Variants in COPG2 observed in about 807,000 individuals in gnomAD.
COPG2 encodes the protein coatomer subunit gamma-2.
Under a neutral mutation model 46.3 loss-of-function variants are expected in COPG2, and 37 were observed. The ratio of observed to expected loss-of-function variants is 0.80; its 90% CI spans 0.61 to 1.05. COPG2 has a LOEUF of 1.05. Ranked by LOEUF, COPG2 falls within the 50% of genes least tolerant of loss-of-function variation. The probability of loss-of-function intolerance (pLI) is 0.00; values close to 1 mark genes in which losing one functional copy is unlikely to be tolerated. For missense variants in COPG2, 427 were observed against 387.8 expected, an observed-to-expected ratio of 1.10 and a Z score of -0.85; for synonymous variants, 159 against 129.7, an observed-to-expected ratio of 1.23 and a Z score of -1.53.
At chr7:130,644,067 G>A (rs531690093) in intron 5 of COPG2, among the ~76,000 whole-genome samples, 4 of 152,244 alleles carry the variant, frequency 2.6e-5, no homozygotes, top group Admixed American at 6.5e-5. Flanking sequence ...GTCTCTCTCC[G>A]ATTCTATTAC....
intron 9 of COPG2, among the ~76,000 whole-genome samples, chr7:130,584,778 A>G (rs886773502): frequency 7.9e-5 from 12 of 152,066 alleles, no homozygotes; most frequent in Admixed American, 3.3e-4. Context: ...CTACAAGGAA[A>G]ACTACAAAAC....
At chr7:130,648,099 C>A (rs1461555123) in intron 5 of COPG2, among the ~76,000 whole-genome samples, 1 of 151,986 alleles carries the variant, frequency 6.6e-6, no homozygotes, top group African/African-American at 2.4e-5. Flanking sequence ...GCTTATTGGC[C>A]ATTTGCATAT....
intron 5 of COPG2, among the ~76,000 whole-genome samples, chr7:130,632,376 T>G (rs1306089096): frequency 1.3e-5 from 2 of 152,220 alleles, no homozygotes; most frequent in African/African-American, 2.4e-5. Flanking sequence ...TTTCAACAGT[T>G]TTCCTCATCT....
intron 9 of COPG2, among the ~76,000 whole-genome samples, chr7:130,577,730 C>T (rs1470763269): frequency 5.4e-5 from 8 of 147,710 alleles, no homozygotes; most frequent in Non-Finnish European, 7.4e-5. Flanking sequence ...CACTGCAGTC[C>T]GCAGTCTGGC....
rs368381899 is a variant in COPG2 at position 130,605,791 on chromosome 7, C to T, written c.737+5162G>A. 5.3e-4 allele frequency: 278 copies of T among 519,766 alleles called. 2 individuals are homozygous for T. Among genetic ancestry groups the T allele is most frequent in the South Asian group, 2.6e-3 (186 of 71,384 alleles). The allele number at this position is 519,766 out of a possible 1,614,324, so 32.2% of individuals were successfully genotyped here. A position where few individuals can be genotyped will look rare whatever the true frequency, so the allele number is the denominator to read the frequency against. ...CACTCCACCAACATCTTCACTTTAG[C>T]CCCATGAGGCCTGTGTCAGACTTCT... On this transcript the variant is annotated intron_variant, in intron 9 of 23. Coordinates refer to ENST00000425248, the MANE Select transcript of COPG2 (RefSeq NM_012133.6).
chr7:130,530,610 G>C (rs1799814716), intron 20 of COPG2, among the ~76,000 whole-genome samples: 1 of 152,188 alleles, frequency 6.6e-6, no homozygotes, highest in African/African-American at 2.4e-5. Context: ...ATAGGCCCTG[G>C]GTGGTTGAGA....
chr7:130,507,506 G>A (rs1439156160), intron 22 of COPG2, 134 bp from the exon 23 acceptor site: 2 of 690,134 alleles, frequency 2.9e-6, no homozygotes, highest in Non-Finnish European at 5.3e-6. Context: ...GTAGAGGGAG[G>A]CTACTACTGG....
chr7:130,581,851 T>C (rs1474088327), intron 9 of COPG2, among the ~76,000 whole-genome samples: 1 of 142,562 alleles, frequency 7.0e-6, no homozygotes, highest in Admixed American at 7.1e-5. Flanking sequence ...TAAAAGAGGA[T>C]ACAAACAAAT....
intron 9 of COPG2, among the ~76,000 whole-genome samples, chr7:130,591,558 G>A (rs1794424883): frequency 7.4e-6 from 1 of 134,784 alleles, no homozygotes; most frequent in East Asian, 2.3e-4. Context: ...TGGGAAGTGA[G>A]GAGCCCCTCT....
At chr7:130,528,211 T>C (rs1584963995) in intron 20 of COPG2, among the ~76,000 whole-genome samples, 1 of 151,282 alleles carries the variant, frequency 6.6e-6, no homozygotes, top group Non-Finnish European at 1.5e-5. Context: ...GGTGGGCAGG[T>C]GGAGTGGGGA....
chr7:130,668,405 C>T lies in COPG2; in HGVS notation c.37+227G>A, dbSNP rs1261927121. Among the ~76,000 whole-genome samples, 5 of 148,620 alleles carry T rather than the reference C, an allele frequency of 3.4e-5. No homozygotes were observed. The South Asian group carries it at 1.0e-3, about 31-fold the overall frequency. ...GGGGCGGGAACGGGGCGCGCGCGGG[C>T]GCCGGGGCGGGAGCGCGCGGCCCGA... is the stretch of plus-strand genomic sequence containing the variant. On this transcript the variant is annotated intron_variant, in intron 1 of 23. Coordinates refer to ENST00000425248, the MANE Select transcript of COPG2 (RefSeq NM_012133.6).
At chr7:130,563,243 T>C in intron 11 of COPG2, 26 bp downstream of exon 11, 1 of 397,946 alleles carries the variant, frequency 2.5e-6, no homozygotes, top group Non-Finnish European at 4.4e-6. Context: ...CTGATATAAG[T>C]CAATAATTAG....
intron 20 of COPG2, among the ~76,000 whole-genome samples, chr7:130,528,509 A>G (rs1393181009): frequency 6.6e-6 from 1 of 152,076 alleles, no homozygotes; most frequent in Non-Finnish European, 1.5e-5. Context: ...CAGGTCAAGA[A>G]GGGAGGAGGT....
chr7:130,567,342 G>C (rs1793820997), intron 9 of COPG2, among the ~76,000 whole-genome samples: 1 of 152,084 alleles, frequency 6.6e-6, no homozygotes, highest in African/African-American at 2.4e-5. Flanking sequence ...AGAATAACTG[G>C]TGTTCCCAAG....
At chr7:130,640,434 A>T (rs1422375275) in intron 5 of COPG2, among the ~76,000 whole-genome samples, 2 of 150,536 alleles carry the variant, frequency 1.3e-5, no homozygotes, top group African/African-American at 2.4e-5. Flanking sequence ...GTTGTTATTT[A>T]TTATTATTAT....
chr7:130,611,888 C>T (rs1425961520), intron 8 of COPG2, among the ~76,000 whole-genome samples: 3 of 152,174 alleles, frequency 2.0e-5, no homozygotes, highest in East Asian at 1.9e-4. Flanking sequence ...AAGACTGCCA[C>T]GAGCATCTCA....
intron 20 of COPG2, chr7:130,508,965 C>A: frequency 4.2e-6 from 2 of 480,010 alleles, no homozygotes; most frequent in Non-Finnish European, 3.9e-6. Context: ...TTTGCCATGC[C>A]TATCAAAGGG....
chr7:130,577,792 A>AC (rs1168892235), intron 9 of COPG2, among the ~76,000 whole-genome samples: 120 of 151,134 alleles, frequency 7.9e-4, no homozygotes, highest in African/African-American at 2.6e-3. Flanking sequence ...AAAAAAACAA[A>AC]AAAAAAAAAC....
chr7:130,521,216 G>A (rs1353434664), intron 20 of COPG2, among the ~76,000 whole-genome samples: 1 of 152,144 alleles, frequency 6.6e-6, no homozygotes, highest in East Asian at 1.9e-4. Flanking sequence ...AAAGGGACAA[G>A]ATAAAATGAT....
Sources: allele counts gnomAD v4.1 joint callset (sites outside exome capture counted in the v4.1 genomes callset), GRCh38; gene constraint gnomAD v4.1.1; transcripts MANE v1.5; gene names NCBI Gene and HGNC (gene_info 2026-07-23, HGNC 2026-07-21).